Variants in EYS observed in about 807,000 individuals in gnomAD.
EYS encodes the protein EGF-like photoreceptor maintenance factor.
In EYS, 250 loss-of-function variants were observed where a neutral mutation model predicts 282.1. The ratio of observed to expected loss-of-function variants is 0.89; its 90% CI spans 0.80 to 0.98. EYS has a LOEUF of 0.98. Ranked by LOEUF, EYS falls within the 50% of genes least tolerant of loss-of-function variation. The pLI, the probability that EYS is intolerant of heterozygous loss-of-function variation, is 0.00. For synonymous variants in EYS, 1,355 were observed against 1,282.9 expected (o/e 1.06, Z -1.20); for missense variants, 4,016 against 3,709.0 (o/e 1.08, Z -2.15).
In EYS at chr6:63,720,017, T is replaced by C. The variant is rs1768310635; in HGVS notation, c.*579A>G. The stretch of plus-strand genomic sequence containing the variant: ...TTTAGCTCTTACCAGCCTGTTCTCC[T>C]CTCCTCTCACCTTCTCTTTCTACAT... On this transcript the variant is annotated 3_prime_UTR_variant, in exon 43 of 43. Transcript: ENST00000503581. 1 of 152,342 alleles carries C rather than the reference T, an allele frequency of 6.6e-6. No homozygotes were observed. The highest frequency in any genetic ancestry group is 6.6e-5 in the Admixed American group (1 of 15,242). 9.4% of individuals were successfully genotyped at this position (152,342 alleles called of 1,614,324 possible).
chr6:65,209,898 T>C (rs1285820180), intron 12 of EYS, among the ~76,000 whole-genome samples: 2 of 151,746 alleles, frequency 1.3e-5, no homozygotes, highest in Non-Finnish European at 2.9e-5. Flanking sequence ...AGGTGGGAAA[T>C]AGGTTGACTT....
intron 22 of EYS, among the ~76,000 whole-genome samples, chr6:64,626,900 G>C (rs1767627153): frequency 6.6e-6 from 1 of 152,124 alleles, no homozygotes; most frequent in Admixed American, 6.6e-5. Flanking sequence ...GAGGTCTCTG[G>C]GAGACTCTTA....
chr6:63,906,978 T>C (rs1773793946), intron 35 of EYS, among the ~76,000 whole-genome samples: 1 of 152,090 alleles, frequency 6.6e-6, no homozygotes, highest in African/African-American at 2.4e-5. Flanking sequence ...GTCTAGCTCT[T>C]TAAAGTTTCA....
At chr6:63,925,867 A>T (rs1764702117) in intron 35 of EYS, among the ~76,000 whole-genome samples, 1 of 152,026 alleles carries the variant, frequency 6.6e-6, no homozygotes, top group Admixed American at 6.5e-5. Flanking sequence ...GATGGTCTAG[A>T]TCTCCTGACC....
chr6:64,204,365 C>T (rs9362570), intron 31 of EYS, among the ~76,000 whole-genome samples: 53,065 of 151,924 alleles, frequency 0.35, 9,261 homozygotes, highest in East Asian at 0.54. Context: ...GTTGGGAATT[C>T]ACCCAAGAAA....
chr6:64,126,514 A>G (rs1377935298), intron 31 of EYS, among the ~76,000 whole-genome samples: 1 of 151,928 alleles, frequency 6.6e-6, no homozygotes, highest in Non-Finnish European at 1.5e-5. Flanking sequence ...ATATCTTACT[A>G]ATTTGTTGGC....
At chr6:64,430,481 A>C (rs1305469286) in intron 28 of EYS, among the ~76,000 whole-genome samples, 1 of 152,200 alleles carries the variant, frequency 6.6e-6, no homozygotes, top group East Asian at 1.9e-4. Context: ...ATATCAGTAC[A>C]TATTTTGTAA....
At chr6:65,003,328 G>A (rs1280503640) in intron 13 of EYS, among the ~76,000 whole-genome samples, 1 of 147,170 alleles carries the variant, frequency 6.8e-6, no homozygotes, top group African/African-American at 2.4e-5. Context: ...GCACTCCCAG[G>A]CTTATTAGAA....
At chr6:65,539,249 G>A (rs971093064) in intron 2 of EYS, among the ~76,000 whole-genome samples, 2 of 152,086 alleles carry the variant, frequency 1.3e-5, no homozygotes, top group African/African-American at 2.4e-5. Flanking sequence ...ACATCTCATA[G>A]AATAATATTT....
chr6:64,218,724 T>C (rs1766005818), intron 31 of EYS, among the ~76,000 whole-genome samples: 1 of 152,208 alleles, frequency 6.6e-6, no homozygotes, highest in Non-Finnish European at 1.5e-5. Flanking sequence ...AACTGGGGCC[T>C]GCTTCTTGCT....
chr6:63,886,725 T>G (rs1773270230), intron 35 of EYS, among the ~76,000 whole-genome samples: 1 of 152,156 alleles, frequency 6.6e-6, no homozygotes, highest in African/African-American at 2.4e-5. Context: ...CTATCACACA[T>G]TTTTGGGAGA....
intron 41 of EYS, among the ~76,000 whole-genome samples, chr6:63,739,816 C>A (rs934227194): frequency 6.6e-6 from 1 of 151,696 alleles, no homozygotes; most frequent in African/African-American, 2.4e-5. Flanking sequence ...GCCTCAGCCT[C>A]CTGAGTAGCT....
intron 12 of EYS, among the ~76,000 whole-genome samples, chr6:65,209,006 C>T (rs1223749384): frequency 6.6e-6 from 1 of 151,798 alleles, no homozygotes; most frequent in Non-Finnish European, 1.5e-5. Context: ...ATAAGCCCAA[C>T]AGGTTGAAAA....
chr6:65,336,434 T>A (rs899262841), intron 10 of EYS, among the ~76,000 whole-genome samples: 3 of 151,750 alleles, frequency 2.0e-5, no homozygotes, highest in African/African-American at 7.2e-5. Context: ...GAAATATATA[T>A]GTATGTGTAA....
intron 30 of EYS, among the ~76,000 whole-genome samples, chr6:64,298,568 C>A (rs879537401): frequency 6.6e-6 from 1 of 151,862 alleles, no homozygotes; most frequent in Admixed American, 6.6e-5. Context: ...TTAAATACTT[C>A]ACTATAAAAG....
intron 5 of EYS, among the ~76,000 whole-genome samples, chr6:65,455,995 G>T (rs1246468820): frequency 1.4e-5 from 2 of 143,632 alleles, no homozygotes. Flanking sequence ...AAGAGAGAGA[G>T]AAAGAAAAAG....
At chr6:64,682,374 A>G (rs895117347) in intron 22 of EYS, among the ~76,000 whole-genome samples, 2 of 152,026 alleles carry the variant, frequency 1.3e-5, no homozygotes, top group African/African-American at 4.8e-5. Flanking sequence ...TCTCAAAACA[A>G]CAAAAACAAC....
chr6:64,860,702 CCT>C (rs1374273662), intron 19 of EYS, among the ~76,000 whole-genome samples: 1 of 152,146 alleles, frequency 6.6e-6, no homozygotes. Context: ...GTTTTTCAGC[CCT>C]GTTTGTGTTA....
intron 33 of EYS, among the ~76,000 whole-genome samples, chr6:64,031,392 C>T (rs1230800098): frequency 2.0e-5 from 3 of 152,224 alleles, no homozygotes; most frequent in African/African-American, 4.8e-5. Context: ...ATGCCTGAGC[C>T]ACACCCCCAA....
Sources: gnomAD v4.1 joint callset for allele counts (sites outside exome capture counted in the v4.1 genomes callset) on GRCh38, gnomAD v4.1.1 for gene constraint, MANE v1.5 for transcripts, NCBI Gene and HGNC (gene_info 2026-07-23, HGNC 2026-07-21) for gene names.